LSAMP: variants seen among roughly 807,000 people sequenced by gnomAD.
LSAMP encodes limbic system-associated membrane protein.
A neutral mutation model predicts 38.6 loss-of-function variants in LSAMP; 7 were observed. The ratio of observed to expected loss-of-function variants is 0.18; its 90% CI spans 0.10 to 0.34. The LOEUF (loss-of-function observed/expected upper bound fraction) is 0.34. Ranked by LOEUF, LSAMP falls within the 10% of genes least tolerant of loss-of-function variation. The probability of loss-of-function intolerance (pLI) is 1.00; values close to 1 mark genes in which losing one functional copy is unlikely to be tolerated. For synonymous variants in LSAMP, 154 were observed against 166.8 expected, an observed-to-expected ratio of 0.92 and a Z score of 0.59; for missense variants, 313 against 420.0, an observed-to-expected ratio of 0.75 and a Z score of 2.23.
At chr3:116,150,184 C>A (rs777765095) in intron 1 of LSAMP, among the ~76,000 whole-genome samples, 1 of 151,978 alleles carries the variant, frequency 6.6e-6, no homozygotes, top group African/African-American at 2.4e-5. Flanking sequence ...ACAGCAGGGG[C>A]CTGAGTTTAA....
intron 3 of LSAMP, among the ~76,000 whole-genome samples, chr3:115,941,671 A>G (rs1937926184): frequency 6.6e-6 from 1 of 152,192 alleles, no homozygotes; most frequent in Non-Finnish European, 1.5e-5. Flanking sequence ...ACTAGACGAC[A>G]TTATGCTAAG....
chr3:115,858,328 T>C (rs1576155749), intron 3 of LSAMP, among the ~76,000 whole-genome samples: 2 of 152,176 alleles, frequency 1.3e-5, no homozygotes, highest in Non-Finnish European at 1.5e-5. Context: ...GCCCCATATT[T>C]GGAATTAAAA....
At chr3:116,145,740 CT>C (rs1709476564) in intron 1 of LSAMP, among the ~76,000 whole-genome samples, 1 of 151,726 alleles carries the variant, frequency 6.6e-6, no homozygotes, top group African/African-American at 2.4e-5. Flanking sequence ...AGGAATATTA[CT>C]CATTGAATAT....
At chr3:116,442,939 T>C (rs560713807) in intron 1 of LSAMP, among the ~76,000 whole-genome samples, 2 of 152,372 alleles carry the variant, frequency 1.3e-5, no homozygotes, top group African/African-American at 2.4e-5. Context: ...AGAATGTTTT[T>C]ATTCTTCTGA....
intron 1 of LSAMP, among the ~76,000 whole-genome samples, chr3:116,162,768 TACACACACAC>T (rs71141856): frequency 5.4e-5 from 8 of 147,324 alleles, no homozygotes; most frequent in Admixed American, 2.7e-4. Context: ...CACACACTTA[TACACACACAC>T]ACACACACAC....
chr3:116,388,226 CA>C, intron 1 of LSAMP, among the ~76,000 whole-genome samples: 1 of 152,234 alleles, frequency 6.6e-6, no homozygotes, highest in South Asian at 2.1e-4. Flanking sequence ...ATTAGGAAGT[CA>C]TTAGCAATAT....
At chr3:116,157,388 A>G (rs574211924) in intron 1 of LSAMP, among the ~76,000 whole-genome samples, 7 of 152,258 alleles carry the variant, frequency 4.6e-5, no homozygotes, top group African/African-American at 1.7e-4. Context: ...TCCTATGTTC[A>G]TTACTTTCTT....
At chr3:115,992,211 C>G (rs781709128) in intron 3 of LSAMP, among the ~76,000 whole-genome samples, 1 of 151,966 alleles carries the variant, frequency 6.6e-6, no homozygotes, top group Admixed American at 6.6e-5. Flanking sequence ...CAACTTTACA[C>G]CAGCATCAGC....
intron 1 of LSAMP, among the ~76,000 whole-genome samples, chr3:116,274,775 G>C (rs1218032918): frequency 6.6e-6 from 1 of 151,040 alleles, no homozygotes; most frequent in Non-Finnish European, 1.5e-5. Flanking sequence ...AAGGTTTTGT[G>C]CCTAAATGCA....
chr3:115,856,587 C>G (rs1935515899), intron 3 of LSAMP, among the ~76,000 whole-genome samples: 1 of 151,590 alleles, frequency 6.6e-6, no homozygotes, highest in Non-Finnish European at 1.5e-5. Flanking sequence ...CCACTGCACT[C>G]CAGCCTGGGT....
chr3:116,296,533 A>G (rs935493841), intron 1 of LSAMP, among the ~76,000 whole-genome samples: 1 of 151,920 alleles, frequency 6.6e-6, no homozygotes, highest in African/African-American at 2.4e-5. Flanking sequence ...AATACAAAAA[A>G]TTAGCCGGGC....
At chr3:115,986,820 G>A (rs1939522943) in intron 3 of LSAMP, among the ~76,000 whole-genome samples, 1 of 152,164 alleles carries the variant, frequency 6.6e-6, no homozygotes, top group South Asian at 2.1e-4. Flanking sequence ...AATTGCTTTG[G>A]ACCAATGACT....
intron 1 of LSAMP, among the ~76,000 whole-genome samples, chr3:116,204,789 G>A (rs1325180772): frequency 2.0e-5 from 3 of 150,120 alleles, no homozygotes; most frequent in African/African-American, 7.3e-5. Flanking sequence ...GTACCATGCT[G>A]TTTTGGTTAC....
At chr3:115,912,368 A>C (rs137946341) in intron 3 of LSAMP, among the ~76,000 whole-genome samples, 89 of 152,314 alleles carry the variant, frequency 5.8e-4, no homozygotes, top group African/African-American at 2.0e-3. Context: ...TTGTGCATGC[A>C]TGTCCAACTG....
intron 3 of LSAMP, among the ~76,000 whole-genome samples, chr3:115,997,958 A>G (rs562495008): frequency 1.4e-5 from 2 of 147,270 alleles, no homozygotes; most frequent in South Asian, 2.1e-4. Context: ...ATTATATATT[A>G]TATAATACTT....
At chr3:115,956,294 G>A (rs959335827) in intron 3 of LSAMP, among the ~76,000 whole-genome samples, 7 of 150,100 alleles carry the variant, frequency 4.7e-5, no homozygotes, top group African/African-American at 9.8e-5. Context: ...GATCTCGTAG[G>A]CCTCCCATCC....
At chr3:115,985,467 A>G (rs2107633876) in intron 3 of LSAMP, among the ~76,000 whole-genome samples, 1 of 152,338 alleles carries the variant, frequency 6.6e-6, no homozygotes, top group South Asian at 2.1e-4. Context: ...ATTTGCTACT[A>G]TTGGCTGCCT....
intron 1 of LSAMP, among the ~76,000 whole-genome samples, chr3:116,209,202 G>C (rs2046117005): frequency 6.6e-6 from 1 of 152,120 alleles, no homozygotes; most frequent in Admixed American, 6.5e-5. Flanking sequence ...CTTGGAAAGG[G>C]AACTCCCTGA....
intron 1 of LSAMP, among the ~76,000 whole-genome samples, chr3:116,165,361 T>A (rs1710024206): frequency 6.6e-6 from 1 of 152,198 alleles, no homozygotes; most frequent in African/African-American, 2.4e-5. Context: ...TTTAATTTTG[T>A]CCCCTGCAGT....
Sources: allele counts gnomAD v4.1 joint callset (sites outside exome capture counted in the v4.1 genomes callset), GRCh38; gene constraint gnomAD v4.1.1; transcripts MANE v1.5; gene names NCBI Gene and HGNC (gene_info 2026-07-23, HGNC 2026-07-21).